Variants in ZNF534 observed in about 807,000 individuals in gnomAD.
ZNF534 encodes zinc finger protein 534, also known as KRAB domain only 3.
In ZNF534, 19 loss-of-function variants were observed where a neutral mutation model predicts 13.6. The observed-to-expected ratio is 1.40, with a 90% CI of 0.97 to 2.05. The LOEUF is 2.05. ZNF534 is among the 30% of genes most tolerant of loss of function. ZNF534 has a pLI of 0.00. For missense variants in ZNF534, 782 were observed against 796.3 expected, an observed-to-expected ratio of 0.98 and a Z score of 0.22; for synonymous variants, 244 against 273.8, an observed-to-expected ratio of 0.89 and a Z score of 1.07.
In ZNF534 at chr19:52,435,021, T is replaced by C; in HGVS notation, c.143-60T>C. ...TGTAATATGCTGTCTCCTACCTAAATATAGGGCTTGGACTTTGGAGATGCC... is the reference window on the plus strand; with the variant it reads ...TGTAATATGCTGTCTCCTACCTAAACATAGGGCTTGGACTTTGGAGATGCC... On this transcript the variant is annotated intron_variant, in intron 3 of 4. Transcript: ENST00000433050. 4.5e-6 allele frequency: 7 copies of C among 1,561,310 alleles called. No individual in the cohort carries two copies. The South Asian group carries it at 7.4e-5, about 17-fold the overall frequency.
At chr19:52,429,745 G>A (rs2059074693) in intron 1 of ZNF534, among the ~76,000 whole-genome samples, 1 of 150,976 alleles carries the variant, frequency 6.6e-6, no homozygotes. Context: ...ACAGGCATAC[G>A]CCACCATGCC....
Position 52,433,963 on chromosome 19 carries a change from G to A in ZNF534, c.24G>A (p.Leu8=). 1.2e-6 allele frequency: 2 copies of A among 1,613,876 alleles called. No individual in the cohort carries two copies. The highest frequency in any genetic ancestry group is 1.7e-6 in the Non-Finnish European group (2 of 1,179,854). MALTQGQ[L]SFSDVAIEFS... ...TGTGGATTTCCTTTTAGGGGCAATT[G>A]TCATTCAGCGATGTGGCCATAGAAT... The change falls in exon 3 of 5, where the codon TTG becomes TTA. Residue 8 remains leucine, a synonymous_variant. Coordinates refer to ENST00000433050, the MANE Select transcript of ZNF534 (RefSeq NM_001143938.3).
intron 4 of ZNF534, among the ~76,000 whole-genome samples, chr19:52,450,580 A>C (rs558270113): frequency 2.0e-5 from 3 of 151,332 alleles, no homozygotes; most frequent in Admixed American, 6.6e-5. Flanking sequence ...TTTTGAAGTC[A>C]GGTAGTGTAA....
Position 52,440,088 on chromosome 19 carries a change from G to T in ZNF534, c.*642G>T, listed in dbSNP as rs2434461. Reference sequence around the variant, plus strand: ...TTTCTTTAAAAACAAAACAAAAAAAGTTATGAAGCCTCACAAAAGTAATAA... The same window carrying T: ...TTTCTTTAAAAACAAAACAAAAAAATTTATGAAGCCTCACAAAAGTAATAA... On this transcript the variant is annotated 3_prime_UTR_variant, in exon 5 of 5. Transcript: ENST00000433050. 6.6e-6 allele frequency among the ~76,000 whole-genome samples: 1 copy of T among 152,024 alleles called. No homozygotes were observed.
chr19:52,434,715 A>C (rs554934696), intron 3 of ZNF534, among the ~76,000 whole-genome samples: 75 of 146,418 alleles, frequency 5.1e-4, no homozygotes, highest in African/African-American at 7.6e-4. Context: ...TGGGCAACAG[A>C]GTGAGACTCT....
intron 4 of ZNF534, among the ~76,000 whole-genome samples, chr19:52,447,599 TTG>T (rs1230989703): frequency 1.3e-5 from 2 of 151,914 alleles, no homozygotes; most frequent in Non-Finnish European, 2.9e-5. Flanking sequence ...TTGAATTTTG[TTG>T]TGTTTTTTTC....
At chr19:52,437,023 G>A (rs181268626) in intron 4 of ZNF534, among the ~76,000 whole-genome samples, 111 of 151,778 alleles carry the variant, frequency 7.3e-4, no homozygotes, top group African/African-American at 2.1e-3. Flanking sequence ...TTTATAATGC[G>A]CAGTGGGAGA....
chr19:52,438,073 C>A lies in ZNF534; in HGVS notation c.613C>A (p.Gln205Lys). Residue 205 changes from glutamine (Q) to lysine (K), a missense_variant, in exon 5 of 5, where the codon CAA (glutamine) becomes AAA (lysine). This residue lies in a region of ZNF534 where 591 missense variants were observed against 574.0 expected (regional missense o/e 1.03). Coordinates refer to ENST00000433050, the MANE Select transcript of ZNF534 (RefSeq NM_001143938.3). ...FRVSSSLTNR[Q>K]VIHIADKTYK... ...AGTGTCTTCAAGCCTTACTAACCGT[C>A]AAGTAATCCACATTGCAGATAAAAC... 6.2e-7 allele frequency: 1 copy of A among 1,614,176 alleles called. No homozygotes were observed. Among genetic ancestry groups the A allele is most frequent in the South Asian group, 1.1e-5 (1 of 91,090 alleles).
rs577358594 is a variant in ZNF534, at chr19:52,430,752, T to G, written c.-67-656T>G. On this transcript the variant is annotated intron_variant, in intron 1 of 4. Transcript: ENST00000433050. ...TAGGAGAGACGGGGTTTCACCATCT[T>G]GGCCAGGCTGATCTTGAACTCCTGA... Among the ~76,000 whole-genome samples, 3 of 152,116 alleles carry G rather than the reference T, an allele frequency of 2.0e-5. No homozygotes were observed. The South Asian group carries it at 6.2e-4, about 32-fold the overall frequency.
At chr19:52,445,671 G>A (rs1386751134), downstream of ZNF534, among the ~76,000 whole-genome samples, 1 of 152,204 alleles carries the variant, frequency 6.6e-6, no homozygotes, top group Non-Finnish European at 1.5e-5. Flanking sequence ...GGGAGCAAGA[G>A]CAACCAACTT....
chr19:52,446,131 C>G (rs977131916), downstream of ZNF534, among the ~76,000 whole-genome samples: 89 of 152,266 alleles, frequency 5.8e-4, 1 homozygote, highest in African/African-American at 2.0e-3. Flanking sequence ...TTGCTCTCTT[C>G]AGGTGCTTGA....
At chr19:52,437,050 G>A (rs950175749) in intron 4 of ZNF534, among the ~76,000 whole-genome samples, 2 of 151,790 alleles carry the variant, frequency 1.3e-5, no homozygotes, top group African/African-American at 4.8e-5. Context: ...TTGCTGTAAG[G>A]GTGTGGGAAC....
chr19:52,432,338 T>G (rs1471252758), intron 2 of ZNF534, among the ~76,000 whole-genome samples: 1 of 152,230 alleles, frequency 6.6e-6, no homozygotes, highest in Non-Finnish European at 1.5e-5. Flanking sequence ...GATGCTGATC[T>G]GTTACTTAAC....
chr19:52,441,420 C>T lies in ZNF534; in HGVS notation c.*1974C>T, dbSNP rs1271093729. 6.6e-6 allele frequency among the ~76,000 whole-genome samples: 1 copy of T among 152,120 alleles called. No homozygotes were observed. Among genetic ancestry groups the T allele is most frequent in the Non-Finnish European group, 1.5e-5 (1 of 68,018 alleles). On this transcript the variant is annotated 3_prime_UTR_variant, in exon 5 of 5. Transcript: ENST00000433050. Reference sequence around the variant, plus strand: ...TTCCCAGCTACTTGGGAGGCTGAGGCAGAAGGATCATTTGAGCCTAGGAGC... The same window carrying T: ...TTCCCAGCTACTTGGGAGGCTGAGGTAGAAGGATCATTTGAGCCTAGGAGC...
intron 3 of ZNF534, among the ~76,000 whole-genome samples, chr19:52,434,452 A>C (rs567504470): frequency 1.8e-3 from 217 of 122,258 alleles, no homozygotes; most frequent in Middle Eastern, 5.0e-3. Context: ...GTGACAGATC[A>C]AGACTCCGTC....
At chr19:52,443,357 C>CT (rs1359695180), downstream of ZNF534, among the ~76,000 whole-genome samples, 1 of 152,160 alleles carries the variant, frequency 6.6e-6, no homozygotes, top group Non-Finnish European at 1.5e-5. Context: ...GTTTTCTAAA[C>CT]TTTTAGATTT....
chr19:52,439,331 A>G lies in ZNF534; in HGVS notation c.1871A>G (p.His624Arg), dbSNP rs1352803580. 2 of 1,554,118 alleles carry G rather than the reference A, an allele frequency of 1.3e-6. No homozygotes were observed. The highest frequency in any genetic ancestry group is 1.7e-6 in the Non-Finnish European group (2 of 1,148,304). Residue 624 changes from histidine to arginine, a missense_variant, in exon 5 of 5, where the codon CAT becomes CGT. This residue lies in a region of ZNF534 where 60 missense variants were observed against 59.9 expected (regional missense o/e 1.00). Transcript: ENST00000433050. The part of the protein sequence containing the change: ...VFSRNSRLAQ[H>R]RNIHTGVKPY... The stretch of plus-strand genomic sequence containing the variant: ...AGTCGGAATTCACGCCTTGCACAAC[A>G]TAGGAATATTCATACTGGAGTGAAG...
chr19:52,437,888 C>A lies in ZNF534; in HGVS notation c.428C>A (p.Ser143Tyr). 2.5e-6 allele frequency: 4 copies of A among 1,613,598 alleles called. No individual in the cohort carries two copies. The highest frequency in any genetic ancestry group is 3.4e-6 in the Non-Finnish European group (4 of 1,179,754). Reference sequence around the variant, plus strand: ...GTTGAGAAATCTATCAGTGACAATTCTTCAGTTTCACCAGTTCAAATAAGT... The same window carrying A: ...GTTGAGAAATCTATCAGTGACAATTATTCAGTTTCACCAGTTCAAATAAGT... ...KHVEKSISDN[S>Y]SVSPVQISFF... The change falls in exon 5 of 5, where the codon TCT (serine) becomes TAT (tyrosine). Residue 143 changes from serine to tyrosine, a missense_variant. Ser to Tyr is a moderately radical substitution (Grantham distance 144). Coordinates refer to ENST00000433050, the MANE Select transcript of ZNF534 (RefSeq NM_001143938.3).
In ZNF534 at chr19:52,438,657, A is replaced by G. The variant is rs757042185; in HGVS notation, c.1197A>G (p.Arg399=). 70 of 1,583,248 alleles carry G rather than the reference A, an allele frequency of 4.4e-5. No individual in the cohort carries two copies. Among genetic ancestry groups the G allele is most frequent in the Non-Finnish European group, 5.2e-5 (60 of 1,163,676 alleles). The change falls in exon 5 of 5, where the codon CGA becomes CGG. Residue 399 remains arginine, a synonymous_variant. Transcript: ENST00000433050. ...KVFIGNSRLA[R]HRKIHTGGRR... Reference sequence around the variant, plus strand: ...TTATTGGCAATTCACGCCTTGCACGACATAGGAAAATTCATACTGGGGGGA... The same window carrying G: ...TTATTGGCAATTCACGCCTTGCACGGCATAGGAAAATTCATACTGGGGGGA...
Sources: allele counts gnomAD v4.1 joint callset (sites outside exome capture counted in the v4.1 genomes callset), GRCh38; gene constraint gnomAD v4.1.1; regional missense constraint gnomAD v4.1.1; transcripts MANE v1.5; gene names NCBI Gene and HGNC (gene_info 2026-07-23, HGNC 2026-07-21).